The following SYNE2 variants were observed in gnomAD, a reference collection of about 807,000 sequenced individuals.
The protein encoded by SYNE2 is nesprin-2.
SYNE2 carries 431 observed loss-of-function variants against 856.3 expected under a neutral mutation model. The ratio of observed to expected loss-of-function variants is 0.50; its 90% CI spans 0.47 to 0.55. The LOEUF is 0.55. Ranked by LOEUF, SYNE2 falls within the 20% of genes least tolerant of loss-of-function variation. SYNE2 has a pLI of 0.00. For missense variants in SYNE2, 8,129 were observed against 8,023.2 expected (o/e 1.01, Z -0.50); for synonymous variants, 2,923 against 2,872.3 (o/e 1.02, Z -0.56).
Position 64,126,670 on chromosome 14 carries a change from A to T in SYNE2, c.13780A>T (p.Thr4594Ser). Reference sequence around the variant, plus strand: ...GAAGGGTGATCTTTTGAAAGCCATGACTTGGCCTGGCGAGAACACCAACTT... The same window carrying T: ...GAAGGGTGATCTTTTGAAAGCCATGTCTTGGCCTGGCGAGAACACCAACTT... ...DKKGDLLKAMTWPGENTNLLL... is the reference protein window; with the variant it reads ...DKKGDLLKAMSWPGENTNLLL... The change falls in exon 73 of 116, where the codon ACT becomes TCT. Residue 4594 changes from threonine to serine, a missense_variant. Coordinates refer to ENST00000555002, the MANE Select transcript of SYNE2 (RefSeq NM_182914.3). 6.2e-7 allele frequency: 1 copy of T among 1,614,202 alleles called. No homozygotes were observed. Among genetic ancestry groups the T allele is most frequent in the Non-Finnish European group, 8.5e-7 (1 of 1,180,030 alleles).
intron 8 of SYNE2, chr14:63,960,782 A>G (rs1425188170): frequency 1.3e-6 from 1 of 763,630 alleles, no homozygotes; most frequent in Admixed American, 1.7e-5. Flanking sequence ...TGCCTGGCAC[A>G]GTGTCTTGTG....
intron 100 of SYNE2, among the ~76,000 whole-genome samples, chr14:64,205,676 C>A (rs1464783225): frequency 6.6e-6 from 1 of 152,148 alleles, no homozygotes; most frequent in Non-Finnish European, 1.5e-5. Flanking sequence ...TATAGAACAC[C>A]TTTAAGTATA....
At chr14:64,055,631 T>A (rs2097262583) in intron 48 of SYNE2, among the ~76,000 whole-genome samples, 1 of 152,088 alleles carries the variant, frequency 6.6e-6, no homozygotes, top group African/African-American at 2.4e-5. Context: ...CCTCCCAAAG[T>A]GCTGGGATTA....
At chr14:64,153,376 T>C (rs1316637626) in intron 85 of SYNE2, among the ~76,000 whole-genome samples, 2 of 152,224 alleles carry the variant, frequency 1.3e-5, no homozygotes, top group African/African-American at 4.8e-5. Flanking sequence ...TAACCAATTA[T>C]ACCAATCAAT....
intron 84 of SYNE2, among the ~76,000 whole-genome samples, chr14:64,146,500 A>G (rs188429808): frequency 7.7e-4 from 118 of 152,340 alleles, no homozygotes; most frequent in African/African-American, 2.8e-3. Flanking sequence ...TTCAAAGGGA[A>G]TTTTGATTTA....
intron 52 of SYNE2, 74 bp from the exon 53 acceptor site, chr14:64,073,894 G>T: frequency 6.7e-7 from 1 of 1,496,264 alleles, no homozygotes; most frequent in South Asian, 1.2e-5. Context: ...ATTAATTGTT[G>T]CAATAAAACT....
intron 45 of SYNE2, among the ~76,000 whole-genome samples, chr14:64,039,167 T>C (rs935847541): frequency 6.6e-6 from 1 of 152,242 alleles, no homozygotes; most frequent in African/African-American, 2.4e-5. Flanking sequence ...CTTTATATTG[T>C]AAAGCTTTAG....
In SYNE2 at chr14:64,125,165, C is replaced by A. The variant is rs1367463276; in HGVS notation, c.13509C>A (p.Thr4503=). The change falls in exon 71 of 116, where the codon ACC becomes ACA. Residue 4503 remains threonine (T), a synonymous_variant. Coordinates refer to ENST00000555002, the MANE Select transcript of SYNE2 (RefSeq NM_182914.3). The part of the protein sequence containing the change: ...PTTEELKTYT[T]QLEDLRQEAS... ...CTGAAGAACTGAAAACCTATACCAC[C>A]CAACTTGAAGACCTGCGCCAAGAAG... 2 of 1,614,118 alleles carry A rather than the reference C, an allele frequency of 1.2e-6. No individual in the cohort carries two copies. The highest frequency in any genetic ancestry group is 2.2e-5 in the South Asian group (2 of 91,078).
At position 64,221,706 on chromosome 14, in the gene SYNE2, T is replaced by C; in HGVS notation, c.20190+2T>C. 1 of 1,613,528 alleles carries C rather than the reference T, an allele frequency of 6.2e-7. No individual in the cohort carries two copies. Among genetic ancestry groups the C allele is most frequent in the Non-Finnish European group, 8.5e-7 (1 of 1,179,622 alleles). ...CTAGAGTGTCGGAGGGAACTAATGG[T>C]AAGTTTCCTCCCAAGGGCTCTGTAC... On this transcript the variant is annotated splice_donor_variant, in intron 112 of 115. Coordinates refer to ENST00000555002, the MANE Select transcript of SYNE2 (RefSeq NM_182914.3). LOFTEE classifies it high-confidence loss of function.
chr14:63,802,522 A>G (rs549781349), intron 1 of SYNE2, among the ~76,000 whole-genome samples: 99 of 152,176 alleles, frequency 6.5e-4, no homozygotes, highest in Non-Finnish European at 1.2e-3. Context: ...GCTTTGGTTG[A>G]CTGTTGGGAA....
intron 1 of SYNE2, among the ~76,000 whole-genome samples, chr14:63,801,708 A>G (rs916621018): frequency 2.0e-5 from 3 of 152,076 alleles, no homozygotes; most frequent in Non-Finnish European, 4.4e-5. Flanking sequence ...ATAAAACCCT[A>G]GAAATAGAAG....
Position 63,967,856 on chromosome 14 carries a change from T to C in SYNE2, c.1128+10T>C, listed in dbSNP as rs2096415870. The stretch of plus-strand genomic sequence containing the variant: ...TGGCCTCGATCACCAGGTGACTGTT[T>C]GTGTTGATTAGAAGAATATTTTCAG... On this transcript the variant is annotated intron_variant, in intron 11 of 115. Coordinates refer to ENST00000555002, the MANE Select transcript of SYNE2 (RefSeq NM_182914.3). 6.2e-7 allele frequency: 1 copy of C among 1,613,652 alleles called. No homozygotes were observed. The highest frequency in any genetic ancestry group is 8.5e-7 in the Non-Finnish European group (1 of 1,179,754).
At chr14:63,821,013 A>T (rs1271787016) in intron 1 of SYNE2, among the ~76,000 whole-genome samples, 1 of 152,066 alleles carries the variant, frequency 6.6e-6, no homozygotes, top group East Asian at 1.9e-4. Context: ...AGCCTTTGGG[A>T]TTACAGGTGT....
chr14:64,029,009 G>T (rs576406626), intron 43 of SYNE2, among the ~76,000 whole-genome samples: 1 of 152,058 alleles, frequency 6.6e-6, no homozygotes, highest in African/African-American at 2.4e-5. Flanking sequence ...GGTGGCACGC[G>T]CCTGTAGTCC....
At chr14:64,087,089 T>C (rs2097568649) in intron 57 of SYNE2, among the ~76,000 whole-genome samples, 1 of 11,448 alleles carries the variant, frequency 8.7e-5, no homozygotes, top group Non-Finnish European at 3.5e-4. Context: ...TCAGTGATAA[T>C]TGGTAAAAAA....
intron 1 of SYNE2, among the ~76,000 whole-genome samples, chr14:63,892,534 C>T (rs150507994): frequency 1.4e-3 from 204 of 150,722 alleles, no homozygotes; most frequent in Non-Finnish European, 2.5e-3. Flanking sequence ...CTAAGAATTC[C>T]GGTCATTTGG....
chr14:64,092,214 T>A (rs1028753879), intron 60 of SYNE2, among the ~76,000 whole-genome samples: 7 of 152,226 alleles, frequency 4.6e-5, no homozygotes, highest in African/African-American at 1.4e-4. Context: ...AGTGGCTTCT[T>A]CACAGACGAA....
intron 1 of SYNE2, among the ~76,000 whole-genome samples, chr14:63,769,266 G>A (rs904007262): frequency 1.3e-5 from 2 of 152,150 alleles, no homozygotes; most frequent in African/African-American, 4.8e-5. Context: ...TAGAGAATCA[G>A]GAAGGCCATT....
At chr14:63,890,734 C>G (rs1314863065) in intron 1 of SYNE2, among the ~76,000 whole-genome samples, 1 of 152,178 alleles carries the variant, frequency 6.6e-6, no homozygotes, top group Non-Finnish European at 1.5e-5. Flanking sequence ...TGGCAGCCTT[C>G]CCATCCCCAA....
Sources: gnomAD v4.1 joint callset for allele counts (sites outside exome capture counted in the v4.1 genomes callset) on GRCh38, gnomAD v4.1.1 for gene constraint, MANE v1.5 for transcripts, NCBI Gene and HGNC (gene_info 2026-07-23, HGNC 2026-07-21) for gene names.